The following STX8 variants were observed in gnomAD, a reference collection of about 807,000 sequenced individuals.
STX8 encodes the protein syntaxin 8.
Under a neutral mutation model 37.5 loss-of-function variants are expected in STX8, and 23 were observed. The ratio of observed to expected loss-of-function variants is 0.61; its 90% CI spans 0.44 to 0.87. STX8 has a LOEUF of 0.87. STX8 is among the 40% of genes least tolerant of loss of function. The pLI is 0.00. For missense variants in STX8, 313 were observed against 284.7 expected (o/e 1.10, Z -0.71); for synonymous variants, 115 against 99.1 (o/e 1.16, Z -0.95).
chr17:9,301,357 CCATT>C (rs1342583675), intron 7 of STX8, among the ~76,000 whole-genome samples: 1 of 152,072 alleles, frequency 6.6e-6, no homozygotes, highest in Non-Finnish European at 1.5e-5. Flanking sequence ...AGGCTTTACT[CCATT>C]TATTAATGAG....
chr17:9,396,019 T>C (rs1237204559), intron 6 of STX8, among the ~76,000 whole-genome samples: 1 of 152,216 alleles, frequency 6.6e-6, no homozygotes, highest in Non-Finnish European at 1.5e-5. Flanking sequence ...TCAGTTTTCC[T>C]AGCCCCTCAA....
At chr17:9,330,306 A>G (rs546178535) in intron 7 of STX8, among the ~76,000 whole-genome samples, 2 of 152,218 alleles carry the variant, frequency 1.3e-5, no homozygotes, top group Admixed American at 6.5e-5. Context: ...ACAGTAGCCC[A>G]CCAGGGGGAA....
At chr17:9,376,722 C>T (rs977992311) in intron 7 of STX8, among the ~76,000 whole-genome samples, 4 of 152,330 alleles carry the variant, frequency 2.6e-5, no homozygotes, top group South Asian at 2.1e-4. Context: ...ACGAACCCAC[C>T]GGAAGGAAGA....
At chr17:9,475,076 GCAAAAGAGA>G (rs1906043954) in intron 6 of STX8, among the ~76,000 whole-genome samples, 1 of 152,152 alleles carries the variant, frequency 6.6e-6, no homozygotes, top group African/African-American at 2.4e-5. Flanking sequence ...GTAAAAAAAT[GCAAAAGAGA>G]GAGACTTTGA....
At chr17:9,543,519 G>T (rs1906371170) in intron 4 of STX8, among the ~76,000 whole-genome samples, 1 of 152,100 alleles carries the variant, frequency 6.6e-6, no homozygotes, top group African/African-American at 2.4e-5. Flanking sequence ...TGCCCAGGCT[G>T]GTCTCAAACT....
At chr17:9,517,461 A>G (rs1905187783) in intron 4 of STX8, among the ~76,000 whole-genome samples, 1 of 152,190 alleles carries the variant, frequency 6.6e-6, no homozygotes, top group African/African-American at 2.4e-5. Flanking sequence ...TTTCAAAGGC[A>G]TTTCACAAAC....
At chr17:9,502,635 T>C (rs1904660374) in intron 5 of STX8, among the ~76,000 whole-genome samples, 2 of 152,148 alleles carry the variant, frequency 1.3e-5, no homozygotes, top group Non-Finnish European at 2.9e-5. Context: ...CTTGTAGGTA[T>C]TTACCCCAGA....
At chr17:9,280,517 C>T (rs1450475681) in intron 7 of STX8, among the ~76,000 whole-genome samples, 5 of 152,130 alleles carry the variant, frequency 3.3e-5, no homozygotes, top group African/African-American at 1.2e-4. Flanking sequence ...CGCACCATTG[C>T]GCTCCAGCTG....
chr17:9,466,252 T>C (rs1905609210), intron 6 of STX8, among the ~76,000 whole-genome samples: 1 of 152,232 alleles, frequency 6.6e-6, no homozygotes, highest in Non-Finnish European at 1.5e-5. Flanking sequence ...ATTACAGGCT[T>C]GAGCCATCAC....
intron 6 of STX8, among the ~76,000 whole-genome samples, chr17:9,487,951 A>C (rs572082875): frequency 6.6e-6 from 1 of 152,328 alleles, no homozygotes; most frequent in East Asian, 1.9e-4. Context: ...ATCTGGCAGC[A>C]CCTTGAAATC....
chr17:9,374,804 C>T (rs1394040245), intron 7 of STX8, among the ~76,000 whole-genome samples: 1 of 151,858 alleles, frequency 6.6e-6, no homozygotes, highest in African/African-American at 2.4e-5. Flanking sequence ...TGGCTCACAC[C>T]CGTAATCCCA....
At chr17:9,485,443 AACCCTC>A (rs1483143292) in intron 6 of STX8, among the ~76,000 whole-genome samples, 2 of 152,226 alleles carry the variant, frequency 1.3e-5, no homozygotes, top group African/African-American at 4.8e-5. Context: ...AAATGGAAAT[AACCCTC>A]AAAGGGTAAA....
rs190218650 is a variant in STX8, at chr17:9,501,926, G to A, written c.448+3112C>T. On this transcript the variant is annotated intron_variant, in intron 5 of 7. Transcript: ENST00000306357. Reference sequence around the variant, plus strand: ...GGAGCTTGCAGTGAGCAGAGATTGCGTCACTGCACTCCAGCCTGGGCGACA... The same window carrying A: ...GGAGCTTGCAGTGAGCAGAGATTGCATCACTGCACTCCAGCCTGGGCGACA... Among the ~76,000 whole-genome samples, 346 of 152,150 alleles carry A rather than the reference G, an allele frequency of 2.3e-3. 1 individual carries two copies. The highest frequency in any genetic ancestry group is 4.0e-3 in the Non-Finnish European group (273 of 67,990).
intron 3 of STX8, chr17:9,548,414 A>G (rs1004736431): frequency 5.9e-5 from 9 of 152,152 alleles, no homozygotes; most frequent in African/African-American, 1.9e-4. Context: ...CACCTCATAC[A>G]TTCTTGATAG....
At chr17:9,323,440 A>G (rs17809195) in intron 7 of STX8, among the ~76,000 whole-genome samples, 3,256 of 152,318 alleles carry the variant, frequency 0.021, 138 homozygotes, top group South Asian at 0.12. Flanking sequence ...TGTATTTTAT[A>G]AACCACAAAT....
rs55853892 is a variant in STX8, at chr17:9,379,967, C to CA, written c.542-1315dup. ...TGGGCGACAGAGAGAGACTCTGTCT[C>CA]AAAAAAAAAAAGAAAAGAATCCTTG... On this transcript the variant is annotated intron_variant, in intron 6 of 7. Transcript: ENST00000306357. Among the ~76,000 whole-genome samples, 276 of 139,352 alleles carry CA rather than the reference C, an allele frequency of 2.0e-3. 1 individual carries two copies. Among genetic ancestry groups the CA allele is most frequent in the Middle Eastern group, 0.012 (3 of 252 alleles). 91.4% of individuals were successfully genotyped at this position (139,352 alleles called of 152,430 possible). A position where few individuals can be genotyped will look rare whatever the true frequency, so the allele number is the denominator to read the frequency against.
At chr17:9,400,685 G>A (rs1347377071) in intron 6 of STX8, among the ~76,000 whole-genome samples, 2 of 152,198 alleles carry the variant, frequency 1.3e-5, no homozygotes, top group African/African-American at 2.4e-5. Context: ...GATTACAGGC[G>A]TGAGCCACCC....
intron 6 of STX8, among the ~76,000 whole-genome samples, chr17:9,440,525 ATT>A (rs546756533): frequency 3.0e-5 from 3 of 99,790 alleles, no homozygotes; most frequent in East Asian, 2.2e-4. Flanking sequence ...TGAATCAATG[ATT>A]TTTTTTTTTT....
chr17:9,546,535 T>C (rs1349858144), intron 3 of STX8, among the ~76,000 whole-genome samples: 2 of 149,620 alleles, frequency 1.3e-5, no homozygotes, highest in Non-Finnish European at 3.0e-5. Context: ...GCCACTTCCC[T>C]TGGACTAAGT....
Sources: allele counts gnomAD v4.1 joint callset (sites outside exome capture counted in the v4.1 genomes callset), GRCh38; gene constraint gnomAD v4.1.1; transcripts MANE v1.5; gene names NCBI Gene and HGNC (gene_info 2026-07-23, HGNC 2026-07-21).